KYAT1: variants seen among roughly 807,000 people sequenced by gnomAD.
KYAT1 encodes kynurenine--oxoglutarate transaminase 1.
In KYAT1, 47 loss-of-function variants were observed where a neutral mutation model predicts 52.4. The observed-to-expected ratio is 0.90, with a 90% confidence interval of 0.71 to 1.14. The LOEUF is 1.14. KYAT1 is among the 50% of genes most tolerant of loss of function. KYAT1 has a pLI of 0.00. For missense variants in KYAT1, 480 were observed against 557.9 expected, an observed-to-expected ratio of 0.86 and a Z score of 1.41; for synonymous variants, 212 against 209.6, an observed-to-expected ratio of 1.01 and a Z score of -0.10.
intron 1 of KYAT1, among the ~76,000 whole-genome samples, chr9:128,848,890 G>C (rs1191746085): frequency 6.6e-6 from 1 of 151,744 alleles, no homozygotes; most frequent in Non-Finnish European, 1.5e-5. Context: ...CACTTTGGGA[G>C]GCCAAGGCGG....
At chr9:128,842,486 C>T (rs564398415) in intron 3 of KYAT1, among the ~76,000 whole-genome samples, 168 bp downstream of exon 3, 2 of 152,328 alleles carry the variant, frequency 1.3e-5, no homozygotes, top group African/African-American at 4.8e-5. Flanking sequence ...CACTAGACCA[C>T]GAGGCGAAGG....
chr9:128,848,555 C>T (rs139557397), intron 1 of KYAT1, among the ~76,000 whole-genome samples: 6 of 151,740 alleles, frequency 4.0e-5, no homozygotes, highest in East Asian at 3.9e-4. Flanking sequence ...TGGTGGCTCA[C>T]GCCTGTAATC....
chr9:128,857,975 A>G (rs1003660977), intron 1 of KYAT1, among the ~76,000 whole-genome samples: 1 of 152,226 alleles, frequency 6.6e-6, no homozygotes, highest in African/African-American at 2.4e-5. Context: ...AGAAAAAATA[A>G]ACTGGACCTC....
chr9:128,848,318 C>CAAAAAAA (rs56157823), intron 1 of KYAT1, among the ~76,000 whole-genome samples: 6 of 73,580 alleles, frequency 8.2e-5, no homozygotes, highest in Non-Finnish European at 1.2e-4. Flanking sequence ...AGATATGTCT[C>CAAAAAAA]AAAAAAAAAA....
At chr9:128,857,056 A>G (rs1025370982) in intron 1 of KYAT1, among the ~76,000 whole-genome samples, 1 of 152,254 alleles carries the variant, frequency 6.6e-6, no homozygotes, top group Non-Finnish European at 1.5e-5. Flanking sequence ...GGGAGGCGAG[A>G]CATGTTGGCA....
intron 1 of KYAT1, among the ~76,000 whole-genome samples, chr9:128,851,000 T>C (rs1833888030): frequency 6.6e-6 from 1 of 152,184 alleles, no homozygotes; most frequent in Non-Finnish European, 1.5e-5. Context: ...AACTTCTCCT[T>C]ATTATCACCC....
intron 1 of KYAT1, among the ~76,000 whole-genome samples, chr9:128,861,394 G>A (rs1047491655): frequency 3.3e-5 from 5 of 152,112 alleles, no homozygotes; most frequent in African/African-American, 1.2e-4. Context: ...CTCTCCTGCC[G>A]CCATGTGAAG....
intron 1 of KYAT1, chr9:128,847,005 G>T: frequency 1.4e-6 from 1 of 727,600 alleles, no homozygotes; most frequent in Non-Finnish European, 2.1e-6. Flanking sequence ...TACCTGCCCA[G>T]GGTCAGAAGA....
chr9:128,847,774 A>G (rs1028352731), intron 1 of KYAT1: 2 of 417,974 alleles, frequency 4.8e-6, no homozygotes, highest in Non-Finnish European at 8.5e-6. Flanking sequence ...CTCATATACA[A>G]TACACCCCCC....
In KYAT1 at chr9:128,836,125, G is replaced by A. The variant is rs747631854; in HGVS notation, c.689-52C>T. ...CTGAGACTGGGGTGAGGGGGACGGGGGAGGATGGTGGTCTGGGCCCCAGGG... is the reference window on the plus strand; with the variant it reads ...CTGAGACTGGGGTGAGGGGGACGGGAGAGGATGGTGGTCTGGGCCCCAGGG... On this transcript the variant is annotated intron_variant, in intron 7 of 12. Coordinates refer to ENST00000302586, the MANE Select transcript of KYAT1 (RefSeq NM_004059.5). 2.6e-6 allele frequency: 4 copies of A among 1,554,406 alleles called. No individual in the cohort carries two copies. In the Admixed American group the frequency reaches 5.1e-5, roughly 20 times the overall value.
intron 6 of KYAT1, 58 bp from the exon 7 acceptor site, chr9:128,836,980 G>A: frequency 6.3e-7 from 1 of 1,583,512 alleles, no homozygotes. Context: ...AAACACAGAG[G>A]CCTACTCAGA....
intron 1 of KYAT1, chr9:128,846,560 G>T: frequency 1.5e-6 from 1 of 647,518 alleles, no homozygotes; most frequent in Non-Finnish European, 2.4e-6. Flanking sequence ...GATCGTGCCA[G>T]CCACTGCACT....
At chr9:128,848,318 C>CAAAAAAAAA (rs56157823) in intron 1 of KYAT1, among the ~76,000 whole-genome samples, 1 of 73,592 alleles carries the variant, frequency 1.4e-5, no homozygotes, top group Non-Finnish European at 2.5e-5. Context: ...AGATATGTCT[C>CAAAAAAAAA]AAAAAAAAAA....
intron 1 of KYAT1, among the ~76,000 whole-genome samples, chr9:128,875,000 C>T (rs886073210): frequency 9.2e-5 from 14 of 152,096 alleles, no homozygotes; most frequent in African/African-American, 3.4e-4. Flanking sequence ...GCTGGGATTA[C>T]AGGCGTGAGC....
At chr9:128,843,161 C>A (rs1355325255) in intron 2 of KYAT1, among the ~76,000 whole-genome samples, 1 of 152,116 alleles carries the variant, frequency 6.6e-6, no homozygotes, top group Non-Finnish European at 1.5e-5. Context: ...GAGTGAGATT[C>A]TGTCTTAAAA....
At chr9:128,836,244 T>TCCTC (rs1564448162) in intron 7 of KYAT1, 171 bp from the exon 8 acceptor site, 1 of 500,122 alleles carries the variant, frequency 2.0e-6, no homozygotes, top group Non-Finnish European at 3.5e-6. Context: ...TTTCCTTCCT[T>TCCTC]CCTTCTTTCT....
At chr9:128,851,473 T>G (rs571577475) in intron 1 of KYAT1, among the ~76,000 whole-genome samples, 3 of 152,202 alleles carry the variant, frequency 2.0e-5, no homozygotes, top group African/African-American at 7.2e-5. Flanking sequence ...ACAGAAAATC[T>G]AATTACGCTA....
chr9:128,852,520 T>C (rs1834084034), intron 1 of KYAT1, among the ~76,000 whole-genome samples: 1 of 152,230 alleles, frequency 6.6e-6, no homozygotes, highest in Admixed American at 6.5e-5. Flanking sequence ...TCATTCATTA[T>C]GTTGATGATA....
chr9:128,839,451 C>T (rs1016047005), intron 3 of KYAT1, among the ~76,000 whole-genome samples: 4 of 151,922 alleles, frequency 2.6e-5, no homozygotes, highest in Admixed American at 1.3e-4. Context: ...GGTGAAACCC[C>T]GTCTCTACTA....
Sources: gnomAD v4.1 joint callset for allele counts (sites outside exome capture counted in the v4.1 genomes callset) on GRCh38, gnomAD v4.1.1 for gene constraint, MANE v1.5 for transcripts, NCBI Gene and HGNC (gene_info 2026-07-23, HGNC 2026-07-21) for gene names.